The following LIMD1 variants were observed in gnomAD, a reference collection of about 807,000 sequenced individuals.
LIMD1 encodes the protein LIM domain containing 1.
In LIMD1, 23 loss-of-function variants were observed where a neutral mutation model predicts 58.4. The ratio of observed to expected loss-of-function variants is 0.39; its 90% CI spans 0.28 to 0.56. The LOEUF (loss-of-function observed/expected upper bound fraction) is 0.56, where lower values mean the gene tolerates loss of function less well. Among genes scored for constraint, LIMD1 ranks in the 20% least tolerant of loss-of-function variants. The pLI, the probability that LIMD1 is intolerant of heterozygous loss-of-function variation, is 0.57. For synonymous variants in LIMD1, 334 were observed against 345.5 expected, an observed-to-expected ratio of 0.97 and a Z score of 0.37; for missense variants, 838 against 855.5, an observed-to-expected ratio of 0.98 and a Z score of 0.25.
Position 45,595,467 on chromosome 3 carries a change from G to C in LIMD1, c.588G>C (p.Val196=), listed in dbSNP as rs1442856192. The C allele has an allele frequency of 6.2e-7, 1 of 1,613,878 alleles. No homozygotes were observed. The highest frequency in any genetic ancestry group is 1.1e-5 in the South Asian group (1 of 91,022). Residue 196 remains valine, a synonymous_variant, in exon 1 of 8, where the codon GTG becomes GTC. Transcript: ENST00000273317. ...ASPKWGDKPG[V]SPSIGLSVGS... ...CAAAGTGGGGTGACAAACCAGGAGT[G>C]TCCCCCAGCATCGGCCTGAGTGTAG...
chr3:45,616,438 C>A (rs538643141), intron 1 of LIMD1, among the ~76,000 whole-genome samples: 1 of 152,166 alleles, frequency 6.6e-6, no homozygotes, highest in Non-Finnish European at 1.5e-5. Flanking sequence ...AAAACAAAAC[C>A]GGGTCACATC....
At chr3:45,603,034 T>C (rs1000612486) in intron 1 of LIMD1, among the ~76,000 whole-genome samples, 1 of 152,098 alleles carries the variant, frequency 6.6e-6, no homozygotes, top group Non-Finnish European at 1.5e-5. Flanking sequence ...AGAGACAGGG[T>C]TTCGCCATGT....
intron 1 of LIMD1, among the ~76,000 whole-genome samples, chr3:45,608,994 T>G (rs757628574): frequency 4.0e-4 from 61 of 152,214 alleles, no homozygotes; most frequent in Non-Finnish European, 6.6e-4. Context: ...TTTATAATAT[T>G]ACCCAATCAG....
chr3:45,626,360 A>G (rs1446644676), intron 1 of LIMD1, among the ~76,000 whole-genome samples: 1 of 152,224 alleles, frequency 6.6e-6, no homozygotes, highest in Non-Finnish European at 1.5e-5. Flanking sequence ...GACTGCATCA[A>G]TAAATGGTTG....
chr3:45,608,839 C>CAA (rs60750700), intron 1 of LIMD1, among the ~76,000 whole-genome samples: 2,374 of 102,900 alleles, frequency 0.023, 59 homozygotes, highest in Middle Eastern at 0.038. Context: ...GACTCGGTAT[C>CAA]AAAAAAAAAA....
At chr3:45,596,358 T>A in intron 1 of LIMD1, 71 bp downstream of exon 1, 1 of 1,235,662 alleles carries the variant, frequency 8.1e-7, no homozygotes, top group Non-Finnish European at 1.1e-6. Flanking sequence ...ACATGCCCCC[T>A]ACCAGGGATG....
intron 1 of LIMD1, among the ~76,000 whole-genome samples, chr3:45,634,034 T>C (rs570885663): frequency 2.2e-4 from 33 of 152,302 alleles, no homozygotes; most frequent in African/African-American, 7.7e-4. Context: ...AGGGGAGCAA[T>C]TGATATTTAT....
chr3:45,615,732 G>A (rs1395149778), intron 1 of LIMD1, among the ~76,000 whole-genome samples: 1 of 151,882 alleles, frequency 6.6e-6, no homozygotes, highest in East Asian at 1.9e-4. Context: ...CTCCAACCTG[G>A]GTGGGTTGAC....
chr3:45,630,840 G>A (rs1701721715), intron 1 of LIMD1, among the ~76,000 whole-genome samples: 1 of 152,184 alleles, frequency 6.6e-6, no homozygotes, highest in African/African-American at 2.4e-5. Flanking sequence ...GCAGACTTCA[G>A]TAAGTGACAG....
intron 1 of LIMD1, among the ~76,000 whole-genome samples, chr3:45,621,204 C>T (rs1016554968): frequency 6.6e-6 from 1 of 151,688 alleles, no homozygotes; most frequent in East Asian, 1.9e-4. Context: ...CCTCCCTTCC[C>T]CTCCCCTCCC....
intron 2 of LIMD1, among the ~76,000 whole-genome samples, chr3:45,656,968 C>T (rs72622921): frequency 0.25 from 37,432 of 152,052 alleles, 5,575 homozygotes; most frequent in East Asian, 0.54. Flanking sequence ...CACCTAGTGG[C>T]GGTTGGGTGC....
At chr3:45,656,456 GAAA>G (rs11348607) in intron 2 of LIMD1, among the ~76,000 whole-genome samples, 2 of 110,120 alleles carry the variant, frequency 1.8e-5, no homozygotes, top group African/African-American at 6.5e-5. Context: ...TTCTCCATCA[GAAA>G]AAAAAAAAAA....
Position 45,682,781 on chromosome 3 carries a change from T to C in LIMD1, c.*5722T>C, listed in dbSNP as rs191022973. 6.6e-6 allele frequency: 1 copy of C among 152,374 alleles called. No individual in the cohort carries two copies. Among genetic ancestry groups the C allele is most frequent in the East Asian group, 1.9e-4 (1 of 5,186 alleles). The allele number at this position is 152,374 out of a possible 1,614,324, so 9.4% of individuals were successfully genotyped here. ...AGTATACTTCTTCATCAAAGCTACATAGTCAAAAAGCCACAGGAGGCTGTG... is the reference window on the plus strand; with the variant it reads ...AGTATACTTCTTCATCAAAGCTACACAGTCAAAAAGCCACAGGAGGCTGTG... On this transcript the variant is annotated 3_prime_UTR_variant, in exon 8 of 8. Transcript: ENST00000273317.
intron 1 of LIMD1, among the ~76,000 whole-genome samples, chr3:45,596,966 A>G (rs1032248172): frequency 2.6e-5 from 4 of 151,130 alleles, no homozygotes; most frequent in African/African-American, 7.3e-5. Flanking sequence ...GGTTCAAGCA[A>G]TTCTCCTGCC....
At chr3:45,604,936 G>A (rs1371082995) in intron 1 of LIMD1, among the ~76,000 whole-genome samples, 1 of 152,202 alleles carries the variant, frequency 6.6e-6, no homozygotes, top group Non-Finnish European at 1.5e-5. Flanking sequence ...AACATGAAAC[G>A]GTTATTTTGA....
intron 2 of LIMD1, among the ~76,000 whole-genome samples, chr3:45,662,558 ATAT>A (rs1172573109): frequency 6.6e-6 from 1 of 152,316 alleles, no homozygotes; most frequent in Non-Finnish European, 1.5e-5. Flanking sequence ...AGGAAATAAA[ATAT>A]TATATAAAAA....
In LIMD1 at chr3:45,613,840, G is replaced by A. The variant is rs1701552179; in HGVS notation, c.1408+17553G>A. ...AGACACAGGCTTTCGTTTCTCTTGGGTAAATACCTAGGAGTAGAATTGCTG... is the reference window on the plus strand; with the variant it reads ...AGACACAGGCTTTCGTTTCTCTTGGATAAATACCTAGGAGTAGAATTGCTG... On this transcript the variant is annotated intron_variant, in intron 1 of 7. Transcript: ENST00000273317. Among the ~76,000 whole-genome samples, 7 of 152,188 alleles carry A rather than the reference G, an allele frequency of 4.6e-5. No individual in the cohort carries two copies. The South Asian group carries it at 1.5e-3, about 32-fold the overall frequency.
At chr3:45,659,075 T>C (rs1697390361) in intron 2 of LIMD1, among the ~76,000 whole-genome samples, 1 of 152,196 alleles carries the variant, frequency 6.6e-6, no homozygotes, top group South Asian at 2.1e-4. Context: ...TATAGAAATA[T>C]GTGAAGTAAA....
chr3:45,681,404 G>A lies in LIMD1; in HGVS notation c.*4345G>A, dbSNP rs1575372185. On this transcript the variant is annotated 3_prime_UTR_variant, in exon 8 of 8. Coordinates refer to ENST00000273317, the MANE Select transcript of LIMD1 (RefSeq NM_014240.3). ...AAGGGTATGAGATTTTACCCTACTT[G>A]CAGGCTAATAAAGTGAGCACACCAC... is the stretch of plus-strand genomic sequence containing the variant. 1 of 152,290 alleles carries A rather than the reference G, an allele frequency of 6.6e-6. No individual in the cohort carries two copies. The highest frequency in any genetic ancestry group is 1.9e-4 in the East Asian group (1 of 5,184). The allele number at this position is 152,290 out of a possible 1,614,324, so 9.4% of individuals were successfully genotyped here. A position where few individuals can be genotyped will look rare whatever the true frequency, so the allele number is the denominator to read the frequency against.
Sources: gnomAD v4.1 joint callset for allele counts (sites outside exome capture counted in the v4.1 genomes callset) on GRCh38, gnomAD v4.1.1 for gene constraint, MANE v1.5 for transcripts, NCBI Gene and HGNC (gene_info 2026-07-23, HGNC 2026-07-21) for gene names.